HLA-DPA1: variants seen among roughly 807,000 people sequenced by gnomAD.
HLA-DPA1 encodes major histocompatibility complex, class II, DP alpha 1.
A neutral mutation model predicts 21.5 loss-of-function variants in HLA-DPA1; 20 were observed. The observed-to-expected ratio is 0.93, with a 90% CI of 0.66 to 1.35. The LOEUF is 1.35. HLA-DPA1 is among the 40% of genes most tolerant of loss of function. The pLI is 0.00. For synonymous variants in HLA-DPA1, 123 were observed against 129.6 expected (o/e 0.95, Z 0.35); for missense variants, 279 against 323.0 (o/e 0.86, Z 1.05).
At chr6:33,068,931 C>T (rs77350016) in intron 4 of HLA-DPA1, 88 bp downstream of exon 3, 321,632 of 1,534,888 alleles carry the variant, frequency 0.21, 44,409 homozygotes, top group East Asian at 0.64. Context: ...GACTGAGACC[C>T]AGCCAGTGCG....
chr6:33,068,509 C>CAA, intron 5 of HLA-DPA1, 129 bp downstream of exon 4: 1 of 691,850 alleles, frequency 1.4e-6, no homozygotes, highest in Non-Finnish European at 2.5e-6. Context: ...AGTTAGTTAT[C>CAA]GGTGTTGTTG....
intron 1 of HLA-DPA1, chr6:33,076,180 G>T: frequency 7.2e-7 from 1 of 1,383,434 alleles, no homozygotes; most frequent in Admixed American, 1.9e-5. Context: ...GTCTGGCTCA[G>T]GGAACAATTC....
At chr6:33,071,952 T>G (rs13213165) in intron 2 of HLA-DPA1, among the ~76,000 whole-genome samples, 43,166 of 151,012 alleles carry the variant, frequency 0.29, 8,319 homozygotes, top group East Asian at 0.69. Flanking sequence ...ATTTAGGCCA[T>G]AGAACTGAGA....
rs555689479 is a variant in HLA-DPA1, at chr6:33,078,461, G to C, written c.-100+2219C>G. 5.9e-5 allele frequency among the ~76,000 whole-genome samples: 9 copies of C among 152,280 alleles called. No individual in the cohort carries two copies. The East Asian group carries it at 1.7e-3, about 29-fold the overall frequency. ...AGGAGCCAGGCTATAGCTTAAAGAG[G>C]CTGGGGGAGAAAAGCTTGGCTGAGA... is the stretch of plus-strand genomic sequence containing the variant. On this transcript the variant is annotated intron_variant, in intron 1 of 5. Coordinates refer to ENST00000419277, the Ensembl canonical transcript of HLA-DPA1.
chr6:33,064,920 C>T (rs1416142366), exon 6 of HLA-DPA1: 3 of 152,182 alleles, frequency 2.0e-5, no homozygotes, highest in Non-Finnish European at 4.4e-5. Flanking sequence ...GTAACCACAT[C>T]GGCAACAGAG....
In HLA-DPA1 at chr6:33,080,496, TGGA is replaced by T; in HGVS notation, c.-100+181_-100+183del. On this transcript the variant is annotated intron_variant, in intron 1 of 5. Coordinates refer to ENST00000419277, the Ensembl canonical transcript of HLA-DPA1. The surrounding 1 kb of genome is among the most constrained non-coding windows in gnomAD (Gnocchi z 4.3). ...TCTCTGCGTGGTGAGAAAACAGGCC[TGGA>T]GAGGCTCTGCGACCCGCTTAGGACC... is the stretch of plus-strand genomic sequence containing the variant. 1 of 863,928 alleles carries T rather than the reference TGGA, an allele frequency of 1.2e-6. No homozygotes were observed. The allele number at this position is 863,928 out of a possible 1,614,324, so 53.5% of individuals were successfully genotyped here. A position where few individuals can be genotyped will look rare whatever the true frequency, so the allele number is the denominator to read the frequency against.
chr6:33,073,567 G>A (rs766701235), exon 2 of HLA-DPA1: 3 of 1,610,266 alleles, frequency 1.9e-6, no homozygotes, highest in Non-Finnish European at 1.7e-6. Flanking sequence ...TCTTCAGGGC[G>A]CATGTTGTGG....
intron 2 of HLA-DPA1, among the ~76,000 whole-genome samples, chr6:33,072,104 A>T (rs2150362317): frequency 6.6e-6 from 1 of 152,340 alleles, no homozygotes; most frequent in East Asian, 1.9e-4. Flanking sequence ...CCAGGTAAAC[A>T]GGAGAAAAAT....
In HLA-DPA1 at chr6:33,069,821, CA is replaced by C; in HGVS notation, c.165del (p.Phe55LeufsTer43). The stretch of plus-strand genomic sequence containing the variant: ...TAGAACATCTCATCTTCATCAAATT[CA>C]AACATAAACTCCCCTGTTGGTCTAT... On this transcript the variant is annotated frameshift_variant, in exon 3 of 6. Transcript: ENST00000419277. LOFTEE classifies it high-confidence loss of function. 1 of 1,610,818 alleles carries C rather than the reference CA, an allele frequency of 6.2e-7. No homozygotes were observed. Among genetic ancestry groups the C allele is most frequent in the South Asian group, 1.1e-5 (1 of 90,954 alleles).
chr6:33,074,050 G>A (rs1762419548), intron 1 of HLA-DPA1, among the ~76,000 whole-genome samples: 1 of 152,082 alleles, frequency 6.6e-6, no homozygotes, highest in Admixed American at 6.6e-5. Context: ...GAATGAATGT[G>A]CTATCTAATA....
At chr6:33,071,674 A>G (rs1229614948) in intron 2 of HLA-DPA1, among the ~76,000 whole-genome samples, 2 of 152,240 alleles carry the variant, frequency 1.3e-5, no homozygotes, top group Non-Finnish European at 2.9e-5. Context: ...TGACAGGACA[A>G]CAGCAGGTTC....
At chr6:33,068,594 C>T in intron 5 of HLA-DPA1, 44 bp downstream of exon 4, 1 of 1,498,546 alleles carries the variant, frequency 6.7e-7, no homozygotes, top group Non-Finnish European at 9.1e-7. Flanking sequence ...TTCCTCCCTT[C>T]CTTACATTCT....
intron 2 of HLA-DPA1, 32 bp downstream of exon 1, chr6:33,073,439 C>A: frequency 7.0e-7 from 1 of 1,429,594 alleles, no homozygotes; most frequent in Non-Finnish European, 9.9e-7. Context: ...CATCACTCAC[C>A]CCGACGCTCC....
At chr6:33,066,944 C>T (rs1761985910) in intron 5 of HLA-DPA1, 1 of 151,980 alleles carries the variant, frequency 6.6e-6, no homozygotes. Flanking sequence ...AGTTGCAGGA[C>T]AATTAGAGTA....
intron 4 of HLA-DPA1, 49 bp downstream of exon 3, chr6:33,068,970 T>G: frequency 6.3e-7 from 1 of 1,596,364 alleles, no homozygotes. Context: ...CACCAGGTCT[T>G]TGGAATAGAG....
intron 2 of HLA-DPA1, among the ~76,000 whole-genome samples, chr6:33,071,829 C>A (rs35521473): frequency 6.6e-6 from 1 of 151,886 alleles, no homozygotes; most frequent in Non-Finnish European, 1.5e-5. Context: ...ACAGCCTGAC[C>A]GGGAGAAGAT....
intron 1 of HLA-DPA1, 112 bp from the exon 1 acceptor site, chr6:33,073,761 C>T: frequency 1.8e-6 from 1 of 560,172 alleles, no homozygotes; most frequent in South Asian, 2.4e-5. Flanking sequence ...GTAAAGAGGA[C>T]GCTGGAAGGT....
In HLA-DPA1 at chr6:33,069,042, T is replaced by TC; in HGVS notation, c.604dup (p.Asp202GlyfsTer18). ...ACCCCAGTGCTTGAGGAGCGGCTGG[T>TC]CCAAGCCCCAGTGCTCCACCCTGCA... On this transcript the variant is annotated frameshift_variant, in exon 4 of 6. Coordinates refer to ENST00000419277, the Ensembl canonical transcript of HLA-DPA1. LOFTEE classifies it high-confidence loss of function. 1.2e-6 allele frequency: 2 copies of TC among 1,612,868 alleles called. No individual in the cohort carries two copies. Among genetic ancestry groups the TC allele is most frequent in the Non-Finnish European group, 1.7e-6 (2 of 1,179,966 alleles).
At chr6:33,077,688 C>A (rs1178855197) in intron 1 of HLA-DPA1, among the ~76,000 whole-genome samples, 1 of 152,160 alleles carries the variant, frequency 6.6e-6, no homozygotes, top group East Asian at 1.9e-4. Context: ...GGAAGGACTG[C>A]AAAGTAGGTA....
Sources: allele counts gnomAD v4.1 joint callset (sites outside exome capture counted in the v4.1 genomes callset), GRCh38; gene constraint gnomAD v4.1.1; non-coding constraint Gnocchi (gnomAD v3.1); transcripts MANE v1.5; gene names NCBI Gene and HGNC (gene_info 2026-07-23, HGNC 2026-07-21).